DNHD1: variants seen among roughly 807,000 people sequenced by gnomAD.
DNHD1 encodes dynein heavy chain domain 1.
DNHD1 carries 383 observed loss-of-function variants against 458.1 expected under a neutral mutation model. The observed-to-expected ratio is 0.84, with a 90% CI of 0.77 to 0.91. The LOEUF (loss-of-function observed/expected upper bound fraction) is 0.91. Among genes scored for constraint, DNHD1 ranks in the 40% least tolerant of loss-of-function variants. The pLI is 0.00. For missense variants in DNHD1, 5,336 were observed against 5,866.1 expected (o/e 0.91, Z 2.95); for synonymous variants, 2,203 against 2,376.9 (o/e 0.93, Z 2.13).
In DNHD1 at chr11:6,533,068, G is replaced by C; in HGVS notation, c.2389G>C (p.Val797Leu). Residue 797 changes from valine to leucine, a missense_variant, in exon 13 of 43, where the codon GTG becomes CTG. Physicochemically the swap from Val to Leu is conservative, Grantham distance 32. Transcript: ENST00000254579. ...NSIRKDILAH[V>L]QNECWNLSQQ... ...CATAAGGAAGGACATTCTTGCACAC[G>C]TGCAAAATGAGTGCTGGAACCTCAG... is the stretch of plus-strand genomic sequence containing the variant. The C allele has an allele frequency of 6.4e-7, 1 of 1,551,578 alleles. No homozygotes were observed. Among genetic ancestry groups the C allele is most frequent in the Non-Finnish European group, 8.7e-7 (1 of 1,146,978 alleles).
chr11:6,546,006 T>C lies in DNHD1; in HGVS notation c.5067T>C (p.Asn1689=). 2 of 1,551,746 alleles carry C rather than the reference T, an allele frequency of 1.3e-6. No homozygotes were observed. Among genetic ancestry groups the C allele is most frequent in the Non-Finnish European group, 1.7e-6 (2 of 1,146,976 alleles). Residue 1689 remains asparagine, a synonymous_variant, in exon 21 of 43, where the codon AAT becomes AAC. Transcript: ENST00000254579. ...EVACGTVLGP[N]GVGKRAIVNS... is the part of the protein sequence containing the mutation. ...CCTGTGGGACCGTACTGGGTCCTAA[T>C]GGTGTGGGCAAGAGAGCTATAGTGA...
intron 10 of DNHD1, among the ~76,000 whole-genome samples, chr11:6,523,243 A>C (rs537192487): frequency 3.9e-4 from 59 of 152,294 alleles, no homozygotes; most frequent in African/African-American, 1.3e-3. Flanking sequence ...ATTAGCTTGG[A>C]GATACAATGC....
chr11:6,533,259 G>T, intron 13 of DNHD1, 75 bp downstream of exon 13: 1 of 1,433,100 alleles, frequency 7.0e-7, no homozygotes, highest in African/African-American at 1.4e-5. Flanking sequence ...ACTCTCTTCA[G>T]GTCTCTGCTG....
chr11:6,563,714 G>T lies in DNHD1; in HGVS notation c.9874G>T (p.Glu3292Ter). The T allele has an allele frequency of 6.5e-7, 1 of 1,545,912 alleles. No individual in the cohort carries two copies. The highest frequency in any genetic ancestry group is 1.2e-5 in the South Asian group (1 of 83,872). The change falls in exon 31 of 43, where the codon GAG becomes TAG. Residue 3292 changes from glutamate (E) to a stop codon, truncating the protein, a stop_gained. Coordinates refer to ENST00000254579, the MANE Select transcript of DNHD1 (RefSeq NM_144666.3). LOFTEE classifies it high-confidence loss of function. The stretch of plus-strand genomic sequence containing the variant: ...CCAGGAGCTGGTGTTCTTCCCCAAG[G>T]AGAAGATAACAGACTCAGAGCTGAT... ...FYQELVFFPK[E>*]KITDSELIKL...
Position 6,545,498 on chromosome 11 carries a change from G to T in DNHD1, c.4559G>T (p.Arg1520Leu), listed in dbSNP as rs780405877. 6.4e-7 allele frequency: 1 copy of T among 1,551,714 alleles called. No homozygotes were observed. The change falls in exon 21 of 43, where the codon CGG becomes CTG. Residue 1520 changes from arginine to leucine, a missense_variant. By Grantham distance (102) the Arg-to-Leu change is moderately radical. Coordinates refer to ENST00000254579, the MANE Select transcript of DNHD1 (RefSeq NM_144666.3). The surrounding 1 kb of genome is among the most constrained non-coding windows in gnomAD (Gnocchi z 4.9). ...CVLVAEEVVW[R>L]AEMEEALLEW... Reference sequence around the variant, plus strand: ...CTGGTGGCAGAGGAGGTGGTATGGCGGGCCGAGATGGAGGAGGCTCTGCTT... The same window carrying T: ...CTGGTGGCAGAGGAGGTGGTATGGCTGGCCGAGATGGAGGAGGCTCTGCTT...
At position 6,571,213 on chromosome 11, in the gene DNHD1, C is replaced by T. The variant is rs767174596; in HGVS notation, c.13701C>T (p.Gly4567=). The T allele has an allele frequency of 1.4e-5, 22 of 1,608,228 alleles. 2 individuals carry two copies. In the South Asian group the frequency reaches 2.2e-4, roughly 16 times the overall value. The change falls in exon 42 of 43, where the codon GGC becomes GGT. Residue 4567 remains glycine (G), a synonymous_variant. Transcript: ENST00000254579. The surrounding 1 kb of genome is among the most constrained non-coding windows in gnomAD (Gnocchi z 5.0). Reference sequence around the variant, plus strand: ...GGCAACTGTTGGTTCGTTACTTGGGCGTGGGCGCGGACGCGAGCAGTGATG... The same window carrying T: ...GGCAACTGTTGGTTCGTTACTTGGGTGTGGGCGCGGACGCGAGCAGTGATG... The part of the protein sequence containing the change: ...RRGQLLVRYL[G]VGADASSDVP...
chr11:6,532,977 C>A (rs2134411963), intron 12 of DNHD1, 50 bp from the exon 13 acceptor site: 1 of 1,528,698 alleles, frequency 6.5e-7, no homozygotes, highest in Non-Finnish European at 8.8e-7. Context: ...CTGTCCCCAG[C>A]ACCCCTTCTT....
intron 7 of DNHD1, among the ~76,000 whole-genome samples, chr11:6,512,211 C>CTTTCTTTTTTTTTTT (rs1185966042): frequency 1.9e-4 from 17 of 91,628 alleles, no homozygotes; most frequent in African/African-American, 7.5e-4. Context: ...CTTTTTCTTT[C>CTTTCTTTTTTTTTTT]TTTTTTTTTT....
At chr11:6,536,883 A>G (rs1270930011) in intron 14 of DNHD1, among the ~76,000 whole-genome samples, 3 of 152,222 alleles carry the variant, frequency 2.0e-5, no homozygotes, top group Non-Finnish European at 4.4e-5. Flanking sequence ...GACTCTAGCC[A>G]TATCTTTGAG....
rs1186173276 is a variant in DNHD1, at chr11:6,562,964, C to T, written c.9520-18C>T. ...GGCCCAAGATCTGGAGCTGCAGGGCCTGGATCTGTCTCTGCAGAGTCTCAG... is the reference window on the plus strand; with the variant it reads ...GGCCCAAGATCTGGAGCTGCAGGGCTTGGATCTGTCTCTGCAGAGTCTCAG... On this transcript the variant is annotated intron_variant, in intron 28 of 42. Transcript: ENST00000254579. The T allele has an allele frequency of 6.5e-7, 1 of 1,549,614 alleles. No individual in the cohort carries two copies. Among genetic ancestry groups the T allele is most frequent in the Non-Finnish European group, 8.7e-7 (1 of 1,145,570 alleles).
At chr11:6,516,972 C>G (rs1318661199) in intron 7 of DNHD1, among the ~76,000 whole-genome samples, 6 of 151,998 alleles carry the variant, frequency 3.9e-5, no homozygotes, top group Non-Finnish European at 8.8e-5. Flanking sequence ...CCACTCAGGC[C>G]TCTATAACAA....
chr11:6,537,764 C>T (rs372250370), intron 14 of DNHD1, among the ~76,000 whole-genome samples: 88 of 152,250 alleles, frequency 5.8e-4, no homozygotes, highest in African/African-American at 2.0e-3. Flanking sequence ...AACCCTGTCT[C>T]TACTAAAAAT....
intron 24 of DNHD1, among the ~76,000 whole-genome samples, chr11:6,552,524 CA>C: frequency 6.6e-6 from 1 of 151,408 alleles, no homozygotes; most frequent in East Asian, 1.9e-4. Context: ...AACTTCGTCC[CA>C]AAAAATATAT....
At chr11:6,519,577 G>C in intron 7 of DNHD1, 23 bp from the exon 8 acceptor site, 1 of 1,612,908 alleles carries the variant, frequency 6.2e-7, no homozygotes, top group Non-Finnish European at 8.5e-7. Context: ...CCTATCTGGT[G>C]AGTTTCCACT....
In DNHD1 at chr11:6,546,152, TG is replaced by T; in HGVS notation, c.5215del (p.Glu1739ArgfsTer39). The T allele has an allele frequency of 6.4e-7, 1 of 1,551,178 alleles. No individual in the cohort carries two copies. The highest frequency in any genetic ancestry group is 8.7e-7 in the Non-Finnish European group (1 of 1,146,542). ...GALQGGAWLL[L>X]EKVHQLPPGL... is the part of the protein sequence containing the mutation. Reference sequence around the variant, plus strand: ...CTGCAGGGTGGTGCCTGGCTGCTGTTGGAGAAAGTTCATCAGCTGCCCCCTG... The same window carrying T: ...CTGCAGGGTGGTGCCTGGCTGCTGTTGAGAAAGTTCATCAGCTGCCCCCTG... On this transcript the variant is annotated frameshift_variant, in exon 21 of 43. Transcript: ENST00000254579.
intron 3 of DNHD1, among the ~76,000 whole-genome samples, chr11:6,499,355 A>ATG (rs1300985322): frequency 6.6e-6 from 1 of 151,966 alleles, no homozygotes; most frequent in Non-Finnish European, 1.5e-5. Context: ...TGATTCCTGG[A>ATG]TGTTGGGTCT....
chr11:6,564,228 T>C, intron 31 of DNHD1, 104 bp downstream of exon 31: 7 of 1,454,842 alleles, frequency 4.8e-6, no homozygotes, highest in Non-Finnish European at 6.5e-6. Context: ...TCTGCACTCC[T>C]TGCCGTACTT....
Position 6,538,629 on chromosome 11 carries a change from C to G in DNHD1, c.3144C>G (p.Ala1048=), listed in dbSNP as rs1162194227. 1.3e-6 allele frequency: 2 copies of G among 1,545,800 alleles called. No homozygotes were observed. Among genetic ancestry groups the G allele is most frequent in the Admixed American group, 3.9e-5 (2 of 50,790 alleles). Reference sequence around the variant, plus strand: ...CCCTGCAGTTCAGCCCAGCTATGGCCCAGGAGAAGACAGAGGGCTGGCTGA... The same window carrying G: ...CCCTGCAGTTCAGCCCAGCTATGGCGCAGGAGAAGACAGAGGGCTGGCTGA... ...MAFAKFSPAM[A]QEKTEGWLTE... is the part of the protein sequence containing the mutation. Residue 1048 remains alanine (A), a synonymous_variant, in exon 16 of 43, where the codon GCC becomes GCG. Coordinates refer to ENST00000254579, the MANE Select transcript of DNHD1 (RefSeq NM_144666.3).
chr11:6,535,517 A>C (rs150986534), intron 14 of DNHD1, among the ~76,000 whole-genome samples: 2 of 152,356 alleles, frequency 1.3e-5, no homozygotes, highest in African/African-American at 4.8e-5. Context: ...ACCAGAAAGT[A>C]AGAAAGTATT....
Sources: allele counts gnomAD v4.1 joint callset (sites outside exome capture counted in the v4.1 genomes callset), GRCh38; gene constraint gnomAD v4.1.1; non-coding constraint Gnocchi (gnomAD v3.1); transcripts MANE v1.5; gene names NCBI Gene and HGNC (gene_info 2026-07-23, HGNC 2026-07-21).